Variants in TPRG1 observed in about 807,000 individuals in gnomAD.
TPRG1 encodes the protein tumor protein p63 regulated 1, also known as tumor protein p63-regulated gene 1 protein.
In TPRG1, 29 loss-of-function variants were observed where a neutral mutation model predicts 29.3. The ratio of observed to expected loss-of-function variants is 0.99; its 90% confidence interval spans 0.74 to 1.35. TPRG1 has a LOEUF of 1.35. TPRG1 is among the 40% of genes most tolerant of loss of function. The pLI, the probability that TPRG1 is intolerant of heterozygous loss-of-function variation, is 0.00. For synonymous variants in TPRG1, 130 were observed against 116.8 expected (o/e 1.11, Z -0.73); for missense variants, 327 against 335.0 (o/e 0.98, Z 0.19).
intron 1 of TPRG1, among the ~76,000 whole-genome samples, chr3:189,190,651 A>C (rs1731554782): frequency 6.6e-6 from 1 of 152,220 alleles, no homozygotes; most frequent in Non-Finnish European, 1.5e-5. Context: ...TCATCTACAA[A>C]GTACTTTCAC....
chr3:189,194,464 T>G (rs537462893), intron 1 of TPRG1, among the ~76,000 whole-genome samples: 1 of 152,326 alleles, frequency 6.6e-6, no homozygotes, highest in South Asian at 2.1e-4. Context: ...TTGTGACACC[T>G]AGGTCTTTGG....
At chr3:189,148,644 G>A (rs1382380195) in intron 4 of TPRG1, among the ~76,000 whole-genome samples, 1 of 152,264 alleles carries the variant, frequency 6.6e-6, no homozygotes, top group Non-Finnish European at 1.5e-5. Flanking sequence ...GCCAGACCAT[G>A]AGAGGCCTTG....
chr3:189,157,088 T>C (rs1397976872), intron 5 of TPRG1, among the ~76,000 whole-genome samples: 16 of 152,188 alleles, frequency 1.1e-4, no homozygotes, highest in Non-Finnish European at 1.5e-5. Flanking sequence ...CACTCTCTCT[T>C]TTTGAGCCTC....
chr3:189,189,035 T>G (rs980405134), intron 1 of TPRG1, among the ~76,000 whole-genome samples: 1 of 152,206 alleles, frequency 6.6e-6, no homozygotes, highest in African/African-American at 2.4e-5. Context: ...GTAATGAAAA[T>G]GTAGGCACCT....
rs144373646 is a variant in TPRG1 at position 189,310,951 on chromosome 3, C to T, written c.633+412C>T. Among the ~76,000 whole-genome samples, 379 of 152,172 alleles carry T rather than the reference C, an allele frequency of 2.5e-3. 1 individual carries two copies. The highest frequency in any genetic ancestry group is 8.7e-3 in the African/African-American group (363 of 41,520). On this transcript the variant is annotated intron_variant, in intron 5 of 5. Coordinates refer to ENST00000345063, the MANE Select transcript of TPRG1 (RefSeq NM_198485.4). ...GTCTTTCTGAGACTTGGTAGTCTCA[C>T]GTCTAAAATGAAGATAATGAGCACT...
chr3:189,043,925 A>G (rs567953204), intron 4 of TPRG1, among the ~76,000 whole-genome samples: 1 of 152,304 alleles, frequency 6.6e-6, no homozygotes, highest in African/African-American at 2.4e-5. Flanking sequence ...CATCTACAGC[A>G]TTTGAGCAAT....
intron 4 of TPRG1, among the ~76,000 whole-genome samples, chr3:189,309,469 C>T (rs1193750321): frequency 6.6e-6 from 1 of 152,152 alleles, no homozygotes; most frequent in Non-Finnish European, 1.5e-5. Context: ...TTTAGAATTA[C>T]AGGCAACTTA....
chr3:189,047,620 TC>T (rs1375485896), intron 4 of TPRG1, among the ~76,000 whole-genome samples: 1 of 152,258 alleles, frequency 6.6e-6, no homozygotes, highest in African/African-American at 2.4e-5. Context: ...ACAGCATTTT[TC>T]CCACAGCAGA....
intron 5 of TPRG1, among the ~76,000 whole-genome samples, chr3:189,158,902 C>T (rs1727061407): frequency 6.6e-6 from 1 of 152,070 alleles, no homozygotes; most frequent in Non-Finnish European, 1.5e-5. Flanking sequence ...CTTTTCTATC[C>T]AAAGAGCTCA....
chr3:189,026,588 T>C (rs1229416964), intron 4 of TPRG1, among the ~76,000 whole-genome samples: 2 of 152,172 alleles, frequency 1.3e-5, no homozygotes, highest in Non-Finnish European at 2.9e-5. Flanking sequence ...AACCATGTTT[T>C]GGGAATGGCA....
chr3:189,136,653 G>C lies in TPRG1; in HGVS notation c.-291+3956G>C, dbSNP rs529170842. Among the ~76,000 whole-genome samples the C allele has an allele frequency of 1.1e-4, 16 of 152,284 alleles. 1 individual carries two copies. Among genetic ancestry groups the C allele is most frequent in the African/African-American group, 3.8e-4 (16 of 41,564 alleles). ...AATTCAAGGGCAAGAAAACAGCTAG[G>C]TCTCTGCCCTGCCTCTCACTCTCGT... On this transcript the variant is annotated intron_variant, in intron 3 of 6. Coordinates refer to the TPRG1 transcript ENST00000412373.
chr3:189,269,857 A>G (rs943230376), intron 4 of TPRG1, among the ~76,000 whole-genome samples: 3 of 152,160 alleles, frequency 2.0e-5, no homozygotes, highest in African/African-American at 7.2e-5. Flanking sequence ...CTAAATTTAC[A>G]AATTCTAGCA....
At chr3:189,187,976 G>C (rs1367563304) in intron 1 of TPRG1, among the ~76,000 whole-genome samples, 3 of 152,186 alleles carry the variant, frequency 2.0e-5, no homozygotes, top group Admixed American at 2.0e-4. Context: ...CATATTTCAG[G>C]CTCCAACGGA....
At chr3:189,029,187 T>C (rs1713814974) in intron 4 of TPRG1, among the ~76,000 whole-genome samples, 1 of 152,052 alleles carries the variant, frequency 6.6e-6, no homozygotes, top group African/African-American at 2.4e-5. Flanking sequence ...CCAGAGAAAA[T>C]AATACCTTTT....
Position 189,028,183 on chromosome 3 carries a change from G to A in TPRG1, c.-463+4237G>A, listed in dbSNP as rs938370170. Among the ~76,000 whole-genome samples, 6 of 152,264 alleles carry A rather than the reference G, an allele frequency of 3.9e-5. No individual in the cohort carries two copies. The South Asian group carries it at 8.3e-4, about 21-fold the overall frequency. ...ATATAATCGTACTCCATGACTTCAC[G>A]GATGGGGAAATTGAGGCCTAACTCC... On this transcript the variant is annotated intron_variant, in intron 4 of 10. Coordinates refer to the TPRG1 transcript ENST00000433971.
intron 4 of TPRG1, among the ~76,000 whole-genome samples, chr3:189,065,949 C>A (rs762791631): frequency 4.6e-5 from 7 of 152,078 alleles, no homozygotes; most frequent in Admixed American, 1.3e-4. Context: ...TAAATGAATT[C>A]ATCAACTTTG....
intron 3 of TPRG1, among the ~76,000 whole-genome samples, chr3:189,146,215 T>C (rs1212146982): frequency 6.6e-6 from 1 of 152,202 alleles, no homozygotes; most frequent in Non-Finnish European, 1.5e-5. Flanking sequence ...GCTTTGTTTA[T>C]GCATTGCCGT....
In TPRG1 at chr3:189,238,765, T is replaced by C. The variant is rs756163278; in HGVS notation, c.335T>C (p.Ile112Thr). The C allele has an allele frequency of 9.3e-6, 15 of 1,612,606 alleles. 1 individual carries two copies. In the Admixed American group the frequency reaches 2.3e-4, roughly 25 times the overall value. The change falls in exon 4 of 6, where the codon ATT (isoleucine) becomes ACT (threonine). Residue 112 changes from isoleucine (I) to threonine (T), a missense_variant. Transcript: ENST00000345063. Reference protein sequence around the residue: ...IDHWNNEKERILLVTDKTLLI... With the variant: ...IDHWNNEKERTLLVTDKTLLI... ...CACTGGAACAATGAGAAGGAGAGAATTCTACTGGTCACAGACAAGACTCTC... is the reference window on the plus strand; with the variant it reads ...CACTGGAACAATGAGAAGGAGAGAACTCTACTGGTCACAGACAAGACTCTC...
chr3:189,168,526 G>C (rs1418648431), upstream of TPRG1, among the ~76,000 whole-genome samples: 1 of 152,144 alleles, frequency 6.6e-6, no homozygotes, highest in East Asian at 1.9e-4. Flanking sequence ...TACTGTGCTA[G>C]ATTCTAAAAA....
Sources: gnomAD v4.1 joint callset for allele counts (sites outside exome capture counted in the v4.1 genomes callset) on GRCh38, gnomAD v4.1.1 for gene constraint, MANE v1.5 for transcripts, NCBI Gene and HGNC (gene_info 2026-07-23, HGNC 2026-07-21) for gene names.